Variants in PALMD observed in about 807,000 individuals in gnomAD.
PALMD encodes the protein palmdelphin.
A neutral mutation model predicts 56.2 loss-of-function variants in PALMD; 42 were observed. That is an observed-to-expected ratio of 0.75 (90% CI 0.58 to 0.97). The LOEUF is 0.97. Ranked by LOEUF, PALMD falls within the 50% of genes least tolerant of loss-of-function variation. The pLI, the probability that PALMD is intolerant of heterozygous loss-of-function variation, is 0.00. For synonymous variants in PALMD, 242 were observed against 222.9 expected (o/e 1.09, Z -0.76); for missense variants, 660 against 643.8 (o/e 1.03, Z -0.27).
intron 7 of PALMD, among the ~76,000 whole-genome samples, chr1:99,690,560 T>G (rs1342192986): frequency 6.6e-6 from 1 of 152,182 alleles, no homozygotes; most frequent in Non-Finnish European, 1.5e-5. Flanking sequence ...TATTTTAGCA[T>G]TGAGTGGAAA....
At chr1:99,648,940 T>C (rs947696387) in intron 1 of PALMD, among the ~76,000 whole-genome samples, 53 of 151,912 alleles carry the variant, frequency 3.5e-4, no homozygotes, top group African/African-American at 1.2e-3. Flanking sequence ...ATGTGACACT[T>C]AGGCTCTCAA....
At chr1:99,685,138 T>C (rs985468290) in intron 3 of PALMD, 3 of 152,050 alleles carry the variant, frequency 2.0e-5, no homozygotes, top group African/African-American at 4.8e-5. Context: ...TGTACTTTCA[T>C]ATACATCATC....
chr1:99,671,168 G>A (rs531924543), intron 3 of PALMD, among the ~76,000 whole-genome samples: 1 of 152,158 alleles, frequency 6.6e-6, no homozygotes, highest in Non-Finnish European at 1.5e-5. Context: ...ACTCTGCCAG[G>A]CCCCCTCAGC....
intron 3 of PALMD, among the ~76,000 whole-genome samples, chr1:99,673,783 C>T (rs777324616): frequency 3.9e-5 from 6 of 152,122 alleles, no homozygotes; most frequent in Non-Finnish European, 8.8e-5. Flanking sequence ...TCCAACCCTC[C>T]GAAACACACA....
rs144523529 is a variant in PALMD, at chr1:99,686,789, G to C, written c.365G>C (p.Arg122Thr). The C allele has an allele frequency of 3.9e-5, 59 of 1,514,824 alleles. No homozygotes were observed. The East Asian group carries it at 5.7e-4, about 15-fold the overall frequency. 93.8% of individuals were successfully genotyped at this position (1,514,824 alleles called of 1,614,324 possible). A position where few individuals can be genotyped will look rare whatever the true frequency, so the allele number is the denominator to read the frequency against. The change falls in exon 4 of 8, where the codon AGA (arginine) becomes ACA (threonine). Residue 122 changes from arginine to threonine, a missense_variant and splice_region_variant. Physicochemically the swap from Arg to Thr is moderately conservative, Grantham distance 71 (BLOSUM62 -1). Coordinates refer to ENST00000263174, the MANE Select transcript of PALMD (RefSeq NM_017734.5). ...SIERTTEDII[R>T]SVKVEREERA... Reference sequence around the variant, plus strand: ...GAGCGGACAACAGAAGACATTATAAGAGTGAGCATTAACCAATTTTAAAAC... The same window carrying C: ...GAGCGGACAACAGAAGACATTATAACAGTGAGCATTAACCAATTTTAAAAC...
Position 99,689,183 on chromosome 1 carries a change from G to A in PALMD, c.923G>A (p.Gly308Asp), listed in dbSNP as rs765637708. The A allele has an allele frequency of 5.6e-6, 9 of 1,613,402 alleles. No individual in the cohort carries two copies. In the South Asian group the frequency reaches 6.6e-5, roughly 12 times the overall value. ...GAATCCATACACAATATGGGCAATG[G>A]TCTTTCAGAGGAAAGGGGAAACAAC... ...VNESIHNMGN[G>D]LSEERGNNFN... is the part of the protein sequence containing the mutation. Residue 308 changes from glycine (G) to aspartate (D), a missense_variant, in exon 7 of 8, where the codon GGT becomes GAT. Coordinates refer to ENST00000263174, the MANE Select transcript of PALMD (RefSeq NM_017734.5).
At chr1:99,657,324 C>A (rs1024138765) in intron 1 of PALMD, among the ~76,000 whole-genome samples, 3 of 152,166 alleles carry the variant, frequency 2.0e-5, no homozygotes, top group Admixed American at 2.0e-4. Flanking sequence ...TCTGTCTATG[C>A]GTCATTCTGC....
intron 1 of PALMD, among the ~76,000 whole-genome samples, chr1:99,648,709 A>C (rs1421762216): frequency 1.3e-5 from 2 of 152,096 alleles, no homozygotes; most frequent in Non-Finnish European, 2.9e-5. Context: ...TTTTACATTA[A>C]AATTCGTTTC....
chr1:99,666,802 C>T (rs1431784396), intron 2 of PALMD, among the ~76,000 whole-genome samples: 2 of 152,130 alleles, frequency 1.3e-5, no homozygotes, highest in African/African-American at 4.8e-5. Flanking sequence ...AAAGCCCATC[C>T]AAAATTTACA....
chr1:99,686,707 G>T lies in PALMD; in HGVS notation c.283G>T (p.Ala95Ser), dbSNP rs779598994. The T allele has an allele frequency of 3.1e-5, 50 of 1,604,988 alleles. No individual in the cohort carries two copies. Among genetic ancestry groups the T allele is most frequent in the Non-Finnish European group, 4.2e-5 (49 of 1,173,976 alleles). Reference protein sequence around the residue: ...LEKEIQDLEKAELQISTKEEA... With the variant: ...LEKEIQDLEKSELQISTKEEA... The stretch of plus-strand genomic sequence containing the variant: ...GAAAGAGATCCAAGATCTTGAAAAA[G>T]CTGAACTGCAAATCTCAACGAAGGA... The change falls in exon 4 of 8, where the codon GCT becomes TCT. Residue 95 changes from alanine to serine, a missense_variant. Physicochemically the swap from Ala to Ser is moderately conservative, Grantham distance 99 (BLOSUM62 1). Transcript: ENST00000263174.
At chr1:99,652,689 GGAAAGGAAAAGAAAAGAAAA>G (rs1652619129) in intron 1 of PALMD, among the ~76,000 whole-genome samples, 3 of 56,502 alleles carry the variant, frequency 5.3e-5, no homozygotes, top group African/African-American at 2.0e-4. Context: ...GGAAAGGAAA[GGAAAGGAAAAGAAAAGAAAA>G]GAAAAGAAAA....
chr1:99,650,517 T>C (rs1445978963), intron 1 of PALMD, among the ~76,000 whole-genome samples: 1 of 152,176 alleles, frequency 6.6e-6, no homozygotes, highest in Non-Finnish European at 1.5e-5. Flanking sequence ...TTAGCACATG[T>C]TCCCTGTTAC....
intron 1 of PALMD, among the ~76,000 whole-genome samples, chr1:99,660,639 AT>A (rs3835488): frequency 0.66 from 99,746 of 151,174 alleles, 33,113 homozygotes; most frequent in African/African-American, 0.72. Context: ...TTGCCTAGCT[AT>A]TTTTTTTTTC....
rs191435206 is a variant in PALMD at position 99,672,670 on chromosome 1, G to A, written c.251+4904G>A. On this transcript the variant is annotated intron_variant, in intron 3 of 7. Transcript: ENST00000263174. Reference sequence around the variant, plus strand: ...CCAAACTGCCCTGTGCCAAGCTCCCGGCCAGACACTCTACTTCTTGAACTG... The same window carrying A: ...CCAAACTGCCCTGTGCCAAGCTCCCAGCCAGACACTCTACTTCTTGAACTG... 4.1e-3 allele frequency among the ~76,000 whole-genome samples: 629 copies of A among 152,060 alleles called. 7 individuals carry two copies. The highest frequency in any genetic ancestry group is 6.5e-3 in the Non-Finnish European group (445 of 67,952).
intron 2 of PALMD, among the ~76,000 whole-genome samples, chr1:99,665,983 G>A (rs1430160775): frequency 6.6e-6 from 1 of 152,122 alleles, no homozygotes; most frequent in Non-Finnish European, 1.5e-5. Context: ...CCACAGAATG[G>A]AGTAATACAA....
intron 2 of PALMD, among the ~76,000 whole-genome samples, chr1:99,666,361 C>T (rs536653729): frequency 6.6e-6 from 1 of 150,868 alleles, no homozygotes; most frequent in African/African-American, 2.4e-5. Flanking sequence ...TTCAGAGATA[C>T]TTGTATCTCA....
chr1:99,655,578 C>T (rs908807099), intron 1 of PALMD, among the ~76,000 whole-genome samples: 1 of 152,126 alleles, frequency 6.6e-6, no homozygotes, highest in Non-Finnish European at 1.5e-5. Context: ...AAAACTGGGT[C>T]ATTTGCCACT....
intron 1 of PALMD, among the ~76,000 whole-genome samples, chr1:99,649,818 AACT>A (rs1652525713): frequency 6.6e-6 from 1 of 152,220 alleles, no homozygotes; most frequent in Non-Finnish European, 1.5e-5. Context: ...GAAGTTTAAG[AACT>A]AGAATCCAAT....
Position 99,688,779 on chromosome 1 carries a change from A to G in PALMD, c.519A>G (p.Leu173=), listed in dbSNP as rs1452229818. Residue 173 remains leucine, a synonymous_variant, in exon 7 of 8, where the codon TTA becomes TTG. Transcript: ENST00000263174. ...ATCAAATTTGTTTCTTAACAGCTTT[A>G]TATGCCATGGAAATTAAAGTTGAAA... ...KEDDEQNRKA[L]YAMEIKVEKD... 1.9e-6 allele frequency: 3 copies of G among 1,589,454 alleles called. No individual in the cohort carries two copies. Among genetic ancestry groups the G allele is most frequent in the Non-Finnish European group, 2.6e-6 (3 of 1,167,898 alleles).
Sources: allele counts gnomAD v4.1 joint callset (sites outside exome capture counted in the v4.1 genomes callset), GRCh38; gene constraint gnomAD v4.1.1; transcripts MANE v1.5; gene names NCBI Gene and HGNC (gene_info 2026-07-23, HGNC 2026-07-21).